OXSR1: variants seen among roughly 807,000 people sequenced by gnomAD.
OXSR1 encodes the protein oxidative stress responsive kinase 1.
OXSR1 carries 24 observed loss-of-function variants against 79.8 expected under a neutral mutation model. The observed-to-expected ratio is 0.30, with a 90% CI of 0.22 to 0.42. The LOEUF (loss-of-function observed/expected upper bound fraction) is 0.42, where lower values mean the gene tolerates loss of function less well. Ranked by LOEUF, OXSR1 falls within the 10% of genes least tolerant of loss-of-function variation. The pLI is 1.00. For synonymous variants in OXSR1, 226 were observed against 209.2 expected, an observed-to-expected ratio of 1.08 and a Z score of -0.69; for missense variants, 430 against 618.4, an observed-to-expected ratio of 0.70 and a Z score of 3.23.
chr3:38,195,379 T>C (rs1356853146), intron 3 of OXSR1, among the ~76,000 whole-genome samples: 12 of 152,174 alleles, frequency 7.9e-5, no homozygotes, highest in Non-Finnish European at 1.2e-4. Flanking sequence ...AGGATCCAGG[T>C]AAAATGTCTG....
intron 5 of OXSR1, among the ~76,000 whole-genome samples, chr3:38,217,861 T>G (rs1702514841): frequency 6.6e-6 from 1 of 152,216 alleles, no homozygotes; most frequent in Admixed American, 6.5e-5. Context: ...CTAAGTGAAC[T>G]CATACAATAT....
intron 3 of OXSR1, among the ~76,000 whole-genome samples, chr3:38,191,316 T>G (rs535821575): frequency 2.4e-4 from 37 of 152,202 alleles, no homozygotes; most frequent in Non-Finnish European, 4.9e-4. Context: ...TCCTTCCTAC[T>G]TGGCCTCCCA....
chr3:38,204,927 A>G (rs777075977), intron 4 of OXSR1, among the ~76,000 whole-genome samples: 1 of 152,064 alleles, frequency 6.6e-6, no homozygotes. Flanking sequence ...CTGCCTTGCA[A>G]ATTTATTTAG....
intron 4 of OXSR1, among the ~76,000 whole-genome samples, chr3:38,204,075 C>G (rs535169353): frequency 2.0e-5 from 3 of 152,302 alleles, no homozygotes; most frequent in Admixed American, 6.5e-5. Flanking sequence ...ACTCTTCCCC[C>G]CCCTTTCCAC....
chr3:38,180,480 C>T (rs1006600027), intron 1 of OXSR1, among the ~76,000 whole-genome samples: 1 of 150,622 alleles, frequency 6.6e-6, no homozygotes, highest in African/African-American at 2.4e-5. Context: ...TGTTTTTAGG[C>T]ATGTGTCCGT....
At chr3:38,168,419 T>G (rs1250049182) in intron 1 of OXSR1, among the ~76,000 whole-genome samples, 1 of 152,218 alleles carries the variant, frequency 6.6e-6, no homozygotes, top group Non-Finnish European at 1.5e-5. Flanking sequence ...TTGCCTTTTT[T>G]GGACATTTAT....
chr3:38,182,371 G>T (rs1337860193), intron 1 of OXSR1, among the ~76,000 whole-genome samples: 3 of 152,178 alleles, frequency 2.0e-5, no homozygotes, highest in Non-Finnish European at 4.4e-5. Context: ...CTGATGCTGG[G>T]GAGGACTGGG....
At chr3:38,186,460 ATTCT>A (rs1701888504) in intron 2 of OXSR1, among the ~76,000 whole-genome samples, 2 of 152,150 alleles carry the variant, frequency 1.3e-5, no homozygotes, top group African/African-American at 4.8e-5. Context: ...ATGACCACTC[ATTCT>A]TTATTCTTTC....
intron 4 of OXSR1, among the ~76,000 whole-genome samples, chr3:38,212,526 G>A (rs1422237324): frequency 2.0e-5 from 3 of 152,148 alleles, no homozygotes; most frequent in Non-Finnish European, 2.9e-5. Flanking sequence ...TAAATGTAGT[G>A]TATTTACAGC....
chr3:38,237,192 C>T (rs891441306), intron 11 of OXSR1, among the ~76,000 whole-genome samples: 2 of 152,088 alleles, frequency 1.3e-5, no homozygotes, highest in South Asian at 2.1e-4. Context: ...GAGACGAAAG[C>T]TGCAAATGTC....
intron 2 of OXSR1, among the ~76,000 whole-genome samples, chr3:38,183,366 TA>T (rs1443893017): frequency 6.6e-6 from 1 of 152,116 alleles, no homozygotes; most frequent in East Asian, 1.9e-4. Flanking sequence ...TTTGTATTTT[TA>T]TGATAATGTA....
intron 10 of OXSR1, among the ~76,000 whole-genome samples, chr3:38,235,958 T>G (rs1414871748): frequency 1.3e-5 from 2 of 152,180 alleles, no homozygotes; most frequent in Non-Finnish European, 2.9e-5. Context: ...AGACATGCTG[T>G]GAAACCAGTC....
intron 4 of OXSR1, among the ~76,000 whole-genome samples, chr3:38,199,114 G>A (rs971160759): frequency 3.9e-4 from 60 of 152,092 alleles, no homozygotes; most frequent in African/African-American, 1.4e-3. Context: ...TTGGAATATC[G>A]CTTTCCATTT....
intron 4 of OXSR1, among the ~76,000 whole-genome samples, chr3:38,214,905 G>A (rs1005237676): frequency 5.9e-5 from 9 of 152,164 alleles, no homozygotes; most frequent in African/African-American, 2.2e-4. Context: ...GAAGTGCTGC[G>A]CTTTTCACTG....
chr3:38,251,097 G>C (rs561333257), intron 15 of OXSR1, among the ~76,000 whole-genome samples: 2 of 152,284 alleles, frequency 1.3e-5, no homozygotes, highest in Admixed American at 1.3e-4. Flanking sequence ...CTTAGTTTTT[G>C]AGAATAAATC....
intron 4 of OXSR1, among the ~76,000 whole-genome samples, chr3:38,200,405 G>C (rs996268772): frequency 1.3e-5 from 2 of 152,134 alleles, no homozygotes; most frequent in African/African-American, 4.8e-5. Flanking sequence ...AAAAACTCAG[G>C]AAACATAATG....
chr3:38,250,965 C>G (rs1703244539), intron 15 of OXSR1, among the ~76,000 whole-genome samples: 1 of 151,980 alleles, frequency 6.6e-6, no homozygotes, highest in Non-Finnish European at 1.5e-5. Context: ...ATTGTACCAC[C>G]TGGAATAACT....
At chr3:38,180,901 G>A (rs183841079) in intron 1 of OXSR1, among the ~76,000 whole-genome samples, 50 of 151,786 alleles carry the variant, frequency 3.3e-4, no homozygotes, top group African/African-American at 1.1e-3. Flanking sequence ...TTTCACTTAC[G>A]AGGTCCCTTA....
In OXSR1 at chr3:38,221,614, A is replaced by T; in HGVS notation, c.527A>T (p.Asp176Val). Residue 176 changes from aspartate to valine, a missense_variant, in exon 6 of 18, where the codon GAT (aspartate) becomes GTT (valine). Physicochemically the swap from Asp to Val is radical, Grantham distance 152. Transcript: ENST00000311806. ...AGTGCTTTTTTAGCAACTGGTGGTG[A>T]TATTACCCGAAATAAAGTGAGAAAG... Reference protein sequence around the residue: ...GVSAFLATGGDITRNKVRKTF... With the variant: ...GVSAFLATGGVITRNKVRKTF... 1 of 1,613,172 alleles carries T rather than the reference A, an allele frequency of 6.2e-7. No individual in the cohort carries two copies. Among genetic ancestry groups the T allele is most frequent in the Non-Finnish European group, 8.5e-7 (1 of 1,179,286 alleles).
Sources: allele counts gnomAD v4.1 joint callset (sites outside exome capture counted in the v4.1 genomes callset), GRCh38; gene constraint gnomAD v4.1.1; transcripts MANE v1.5; gene names NCBI Gene and HGNC (gene_info 2026-07-23, HGNC 2026-07-21).